The following CATSPERT variants were observed in gnomAD, a reference collection of about 807,000 sequenced individuals.
The protein encoded by CATSPERT is catsper channel auxiliary subunit tau, also known as cation channel sperm-associated targeting subunit tau.
At chr2:201,563,436 C>T in the CATSPERT span, among the ~76,000 whole-genome samples, 1 of 59,132 alleles carries the variant, frequency 1.7e-5, no homozygotes, top group Non-Finnish European at 3.6e-5. Flanking sequence ...TCACCTCCCT[C>T]CCGGACGGGG....
At chr2:201,589,681 A>G in the CATSPERT span, among the ~76,000 whole-genome samples, 2 of 152,198 alleles carry the variant, frequency 1.3e-5, no homozygotes. Flanking sequence ...AAGCAATACC[A>G]TTCAGGACAT....
chr2:201,560,423 A>AAATAAT, the CATSPERT span, among the ~76,000 whole-genome samples: 761 of 126,444 alleles, frequency 6.0e-3, no homozygotes, highest in Non-Finnish European at 8.1e-3. Context: ...ACTCTGTCTC[A>AAATAAT]AATAATAATA....
At chr2:201,556,831 A>G in the CATSPERT span, 1 of 150,316 alleles carries the variant, frequency 6.7e-6, no homozygotes, top group African/African-American at 2.5e-5. Flanking sequence ...TGTCTAAAAA[A>G]TATAAATAAT....
the CATSPERT span, among the ~76,000 whole-genome samples, chr2:201,609,346 C>T: frequency 3.7e-4 from 56 of 152,168 alleles, no homozygotes; most frequent in Non-Finnish European, 6.9e-4. Context: ...ATAGACCTAA[C>T]AGACATTTAC....
the CATSPERT span, among the ~76,000 whole-genome samples, chr2:201,508,950 C>CACGAGAATTGCCTGAACCTGGGAG: frequency 6.6e-6 from 1 of 151,162 alleles, no homozygotes; most frequent in African/African-American, 2.5e-5. Flanking sequence ...CATGGGTGTG[C>CACGAGAATTGCCTGAACCTGGGAG]GAAATTTCTT....
the CATSPERT span, among the ~76,000 whole-genome samples, chr2:201,529,891 CACAA>C: frequency 6.6e-6 from 1 of 151,988 alleles, no homozygotes; most frequent in South Asian, 2.1e-4. Context: ...ATATAAGGTA[CACAA>C]ACAACCCAAA....
chr2:201,561,126 G>A, the CATSPERT span, among the ~76,000 whole-genome samples: 32 of 152,244 alleles, frequency 2.1e-4, no homozygotes, highest in South Asian at 1.9e-3. Flanking sequence ...CTGACCTACC[G>A]TAAGAAAATA....
At chr2:201,587,401 C>T in the CATSPERT span, among the ~76,000 whole-genome samples, 1 of 152,206 alleles carries the variant, frequency 6.6e-6, no homozygotes, top group Non-Finnish European at 1.5e-5. Flanking sequence ...GATACAAATT[C>T]TCTCAGCTTT....
At chr2:201,610,065 T>A in the CATSPERT span, among the ~76,000 whole-genome samples, 6 of 152,070 alleles carry the variant, frequency 3.9e-5, no homozygotes, top group African/African-American at 1.2e-4. Context: ...AAGAAATGGA[T>A]AAATTCCTAG....
the CATSPERT span, chr2:201,492,163 T>C: frequency 6.6e-7 from 1 of 1,525,208 alleles, no homozygotes; most frequent in Non-Finnish European, 8.7e-7. Context: ...TAAAGTGGTT[T>C]GTTGAACAAT....
At chr2:201,492,115 A>G in the CATSPERT span, 1 of 1,526,110 alleles carries the variant, frequency 6.6e-7, no homozygotes, top group Non-Finnish European at 8.7e-7. Context: ...CTCTCGAATC[A>G]ATTCTGCTTC....
chr2:201,568,122 G>A, the CATSPERT span, among the ~76,000 whole-genome samples: 1 of 152,080 alleles, frequency 6.6e-6, no homozygotes, highest in Non-Finnish European at 1.5e-5. Context: ...CTGTATACAG[G>A]ATGTCACCAC....
chr2:201,603,305 G>A, the CATSPERT span: 1 of 1,594,642 alleles, frequency 6.3e-7, no homozygotes, highest in Non-Finnish European at 8.5e-7. Flanking sequence ...AACACAGACA[G>A]TGAATGCATT....
the CATSPERT span, among the ~76,000 whole-genome samples, chr2:201,520,851 T>A: frequency 6.8e-6 from 1 of 148,060 alleles, no homozygotes; most frequent in Non-Finnish European, 1.5e-5. Flanking sequence ...ATCGTGCCAC[T>A]GCACTCCAGT....
chr2:201,603,413 T>C, the CATSPERT span: 3 of 652,304 alleles, frequency 4.6e-6, no homozygotes, highest in Non-Finnish European at 7.3e-6. Flanking sequence ...TTGTTTCTCA[T>C]GAAAAATATC....
chr2:201,509,251 T>G, the CATSPERT span, among the ~76,000 whole-genome samples: 2 of 150,972 alleles, frequency 1.3e-5, no homozygotes, highest in Admixed American at 6.5e-5. Flanking sequence ...TGATTTGTAA[T>G]GTTGAGCATC....
At chr2:201,548,526 A>G in the CATSPERT span, among the ~76,000 whole-genome samples, 1 of 152,216 alleles carries the variant, frequency 6.6e-6, no homozygotes, top group African/African-American at 2.4e-5. Context: ...ATAACACTAT[A>G]TATATATAAT....
chr2:201,538,048 G>C, the CATSPERT span, among the ~76,000 whole-genome samples: 30 of 151,972 alleles, frequency 2.0e-4, no homozygotes, highest in Non-Finnish European at 4.1e-4. Context: ...ATTCACATGA[G>C]ACCTATCCTC....
At chr2:201,515,382 G>A in the CATSPERT span, among the ~76,000 whole-genome samples, 8 of 151,442 alleles carry the variant, frequency 5.3e-5, no homozygotes, top group Admixed American at 5.3e-4. Flanking sequence ...CCACAGGTGT[G>A]TACCACCACG....
Sources: gnomAD v4.1 joint callset for allele counts (sites outside exome capture counted in the v4.1 genomes callset) on GRCh38, gnomAD v4.1.1 for gene constraint, MANE v1.5 for transcripts, NCBI Gene and HGNC (gene_info 2026-07-23, HGNC 2026-07-21) for gene names.